TSFM: variants seen among roughly 807,000 people sequenced by gnomAD.
The protein encoded by TSFM is elongation factor Ts, mitochondrial.
Under a neutral mutation model 33.4 loss-of-function variants are expected in TSFM, and 29 were observed. That is an observed-to-expected ratio of 0.87 (90% CI 0.65 to 1.18). The LOEUF (loss-of-function observed/expected upper bound fraction) is 1.18, where lower values mean the gene tolerates loss of function less well. Among genes scored for constraint, TSFM ranks in the 50% most tolerant of loss-of-function variants. TSFM has a pLI of 0.00. For synonymous variants in TSFM, 178 were observed against 163.5 expected (o/e 1.09, Z -0.68); for missense variants, 394 against 395.6 (o/e 1.00, Z 0.04).
At chr12:57,794,783 G>A (rs538715809) in intron 5 of TSFM, among the ~76,000 whole-genome samples, 2 of 152,052 alleles carry the variant, frequency 1.3e-5, no homozygotes, top group Admixed American at 6.6e-5. Context: ...TTTTTGAGAC[G>A]GAGTCTTGCT....
chr12:57,801,085 T>C, downstream of TSFM: 2 of 1,417,676 alleles, frequency 1.4e-6, no homozygotes, highest in Non-Finnish European at 2.0e-6. Context: ...AGCATTTGTG[T>C]GTTCTCTGGC....
intron 2 of TSFM, 127 bp from the exon 3 acceptor site, chr12:57,786,036 A>G (rs1224229594): frequency 1.7e-6 from 2 of 1,207,846 alleles, no homozygotes; most frequent in Non-Finnish European, 2.2e-6. Context: ...ACTGCCAGTA[A>G]ATGATAGATT....
chr12:57,785,438 C>T (rs544334426), intron 2 of TSFM, among the ~76,000 whole-genome samples: 2 of 152,172 alleles, frequency 1.3e-5, no homozygotes, highest in East Asian at 1.9e-4. Flanking sequence ...CTTGAAGGAC[C>T]TGCCTGAAGC....
chr12:57,791,928 C>T (rs368173023), intron 4 of TSFM: 43 of 379,948 alleles, frequency 1.1e-4, no homozygotes, highest in East Asian at 4.9e-4. Flanking sequence ...CTAGCTCTAA[C>T]ATTTTATGAT....
chr12:57,801,295 A>G, downstream of TSFM: 2 of 1,123,416 alleles, frequency 1.8e-6, no homozygotes, highest in Admixed American at 2.1e-5. Context: ...GTCTTCAGGA[A>G]AAGCAAAAGA....
chr12:57,782,948 T>G, intron 1 of TSFM, 90 bp downstream of exon 1: 1 of 1,490,506 alleles, frequency 6.7e-7, no homozygotes, highest in East Asian at 2.4e-5. Context: ...CTCGTTTGAC[T>G]CCATCTCACC....
downstream of TSFM, chr12:57,800,744 AC>A (rs1363149863): frequency 1.3e-5 from 2 of 158,188 alleles, no homozygotes; most frequent in African/African-American, 4.8e-5. Flanking sequence ...AGTAGCTGGG[AC>A]TACAGGCGCA....
rs201043173 is a variant in TSFM, at chr12:57,786,249, G to A, written c.318G>A (p.Leu106=). The A allele has an allele frequency of 1.2e-6, 2 of 1,612,364 alleles. No individual in the cohort carries two copies. Among genetic ancestry groups the A allele is most frequent in the Non-Finnish European group, 1.7e-6 (2 of 1,179,084 alleles). Residue 106 remains leucine (L), a synonymous_variant, in exon 3 of 6, where the codon CTG becomes CTA. Transcript: ENST00000652027. ...AAGGGAGGAAGACCAAAGAAGGCCT[G>A]ATTGGGCTGTTGCAGGAAGGAAACA... ...KLQGRKTKEG[L]IGLLQEGNTT... is the part of the protein sequence containing the mutation.
downstream of TSFM, among the ~76,000 whole-genome samples, chr12:57,800,815 T>G (rs1955831965): frequency 6.6e-6 from 1 of 152,058 alleles, no homozygotes; most frequent in Non-Finnish European, 1.5e-5. Flanking sequence ...ACCATATTAG[T>G]CAGGCTGGTC....
At chr12:57,794,171 T>G (rs1311970904) in intron 5 of TSFM, among the ~76,000 whole-genome samples, 3 of 152,234 alleles carry the variant, frequency 2.0e-5, no homozygotes, top group African/African-American at 7.2e-5. Flanking sequence ...TGAGGCTTAT[T>G]AAGAAATTCT....
chr12:57,785,214 C>T (rs1955575238), intron 2 of TSFM, among the ~76,000 whole-genome samples: 1 of 152,162 alleles, frequency 6.6e-6, no homozygotes, highest in Admixed American at 6.5e-5. Context: ...GCGTGAGCCA[C>T]AGCGCCTGGC....
At chr12:57,783,310 G>C (rs1484484602) in intron 2 of TSFM, 27 bp downstream of exon 2, 2 of 1,613,458 alleles carry the variant, frequency 1.2e-6, no homozygotes, top group East Asian at 4.5e-5. Context: ...GTGCAGGGCG[G>C]AGTACTAGAG....
At chr12:57,787,307 C>G in intron 4 of TSFM, 145 bp downstream of exon 4, 1 of 852,464 alleles carries the variant, frequency 1.2e-6, no homozygotes, top group Non-Finnish European at 1.7e-6. Flanking sequence ...ATTACCCTTC[C>G]CCCGTTGCTA....
In TSFM at chr12:57,786,056, T is replaced by G. The variant is rs1160502065; in HGVS notation, c.232-107T>G. ...CAGTAAATGATAGATTACTTTAGTT[T>G]CTGTTAGAGAATTTAGAGAATCAGG... On this transcript the variant is annotated intron_variant, in intron 2 of 5. Transcript: ENST00000652027. 1.1e-5 allele frequency: 15 copies of G among 1,330,848 alleles called. No individual in the cohort carries two copies. In the East Asian group the frequency reaches 4.1e-4, roughly 36 times the overall value. The allele number at this position is 1,330,848 out of a possible 1,614,324, so 82.4% of individuals were successfully genotyped here.
chr12:57,797,852 G>A, downstream of TSFM: 3 of 1,497,200 alleles, frequency 2.0e-6, no homozygotes, highest in African/African-American at 1.4e-5. Flanking sequence ...TCTTTTCTGT[G>A]GCCTTGCAAT....
At chr12:57,799,983 C>G, downstream of TSFM, 1 of 1,590,070 alleles carries the variant, frequency 6.3e-7, no homozygotes, top group South Asian at 1.1e-5. Context: ...GGTTACAGTT[C>G]TGAATGTGTA....
chr12:57,798,223 C>T (rs960168371), downstream of TSFM, among the ~76,000 whole-genome samples: 1 of 152,178 alleles, frequency 6.6e-6, no homozygotes, highest in Non-Finnish European at 1.5e-5. Context: ...ATTCACTGCT[C>T]TCACAGTGCC....
At chr12:57,788,291 G>GT (rs1028374467) in intron 4 of TSFM, among the ~76,000 whole-genome samples, 30 of 148,314 alleles carry the variant, frequency 2.0e-4, no homozygotes, top group African/African-American at 7.2e-4. Context: ...TTTTGTTTTT[G>GT]TTTTTTGAGA....
downstream of TSFM, chr12:57,797,965 C>T (rs1356548816): frequency 5.0e-6 from 8 of 1,613,042 alleles, no homozygotes; most frequent in Non-Finnish European, 6.8e-6. Flanking sequence ...ATGCCAAACA[C>T]AGACACAAAG....
Sources: gnomAD v4.1 joint callset for allele counts (sites outside exome capture counted in the v4.1 genomes callset) on GRCh38, gnomAD v4.1.1 for gene constraint, MANE v1.5 for transcripts, NCBI Gene and HGNC (gene_info 2026-07-23, HGNC 2026-07-21) for gene names.